The following RERE variants were observed in gnomAD, a reference collection of about 807,000 sequenced individuals.
RERE encodes the protein arginine-glutamic acid dipeptide repeats protein.
RERE carries 40 observed loss-of-function variants against 146.1 expected under a neutral mutation model. The ratio of observed to expected loss-of-function variants is 0.27; its 90% CI spans 0.21 to 0.36. RERE has a LOEUF of 0.36. RERE is among the 10% of genes least tolerant of loss of function. The pLI, the probability that RERE is intolerant of heterozygous loss-of-function variation, is 1.00. For synonymous variants in RERE, 1,003 were observed against 866.0 expected, an observed-to-expected ratio of 1.16 and a Z score of -2.78; for missense variants, 1,933 against 2,138.7, an observed-to-expected ratio of 0.90 and a Z score of 1.90.
At chr1:8,508,416 T>G (rs1200328335) in intron 8 of RERE, among the ~76,000 whole-genome samples, 5 of 152,166 alleles carry the variant, frequency 3.3e-5, no homozygotes, top group Admixed American at 6.5e-5. Context: ...TACAACAATA[T>G]TAATGTACTT....
At position 8,423,985 on chromosome 1, in the gene RERE, G is replaced by A. The variant is rs370898914; in HGVS notation, c.1204-1178C>T. Reference sequence around the variant, plus strand: ...CTCCTTCCGGACAGGAGAACATCAAGGCGGTAAAGCACAGAAACTTCCTCC... The same window carrying A: ...CTCCTTCCGGACAGGAGAACATCAAAGCGGTAAAGCACAGAAACTTCCTCC... On this transcript the variant is annotated intron_variant, in intron 11 of 22. Coordinates refer to ENST00000400908, the MANE Select transcript of RERE (RefSeq NM_001042681.2). This position sits in a 1 kb window ranked among gnomAD's most constrained non-coding sequence, Gnocchi z 5.4. The A allele has an allele frequency of 6.6e-6, 1 of 151,598 alleles. No homozygotes were observed. Among genetic ancestry groups the A allele is most frequent in the Admixed American group, 6.6e-5 (1 of 15,236 alleles). 9.4% of individuals were successfully genotyped at this position (151,598 alleles called of 1,614,324 possible).
chr1:8,491,763 C>T (rs1377566752), intron 10 of RERE, among the ~76,000 whole-genome samples: 1 of 152,144 alleles, frequency 6.6e-6, no homozygotes, highest in East Asian at 1.9e-4. Context: ...GGCCATATAG[C>T]CTATTTCATT....
chr1:8,614,593 G>A lies in RERE; in HGVS notation c.490C>T (p.His164Tyr). 1.2e-6 allele frequency: 2 copies of A among 1,613,194 alleles called. No individual in the cohort carries two copies. The highest frequency in any genetic ancestry group is 1.7e-6 in the Non-Finnish European group (2 of 1,179,514). ...SLPVASQPPQ[H>Y]LSEAGRGPVG... ...GGCCCTCTCCCGGCTTCAGAAAGAT[G>A]CTGTGGTGGCTGTGATGCCACCGGC... The change falls in exon 4 of 23, where the codon CAT becomes TAT. Residue 164 changes from histidine to tyrosine, a missense_variant. By Grantham distance (83) the His-to-Tyr change is moderately conservative. Coordinates refer to ENST00000400908, the MANE Select transcript of RERE (RefSeq NM_001042681.2).
At position 8,368,798 on chromosome 1, in the gene RERE, C is replaced by T. The variant is rs1187678426; in HGVS notation, c.1285-2824G>A. Among the ~76,000 whole-genome samples, 5 of 152,054 alleles carry T rather than the reference C, an allele frequency of 3.3e-5. No homozygotes were observed. In the South Asian group the frequency reaches 6.2e-4, roughly 19 times the overall value. ...GGAAGAAGCCAGGCGCAGCAGTTTA[C>T]GCCTGTAATACCAGTACTTTGGGAG... On this transcript the variant is annotated intron_variant, in intron 12 of 22. Coordinates refer to ENST00000400908, the MANE Select transcript of RERE (RefSeq NM_001042681.2).
intron 10 of RERE, among the ~76,000 whole-genome samples, chr1:8,481,564 T>C (rs1427624424): frequency 6.6e-6 from 1 of 152,374 alleles, no homozygotes; most frequent in East Asian, 1.9e-4. Context: ...AGAATTGTTA[T>C]GAAGATTAAA....
intron 1 of RERE, among the ~76,000 whole-genome samples, chr1:8,781,477 C>T (rs1376237761): frequency 1.3e-5 from 2 of 151,982 alleles, no homozygotes; most frequent in Non-Finnish European, 2.9e-5. Context: ...TGAGCTATGA[C>T]TGTCCCACTG....
chr1:8,355,451 A>C lies in RERE; in HGVS notation c.4635T>G (p.Gly1545=), dbSNP rs1641251421. The C allele has an allele frequency of 6.2e-7, 1 of 1,612,764 alleles. No individual in the cohort carries two copies. Among genetic ancestry groups the C allele is most frequent in the Admixed American group, 1.7e-5 (1 of 59,970 alleles). ...AATCTTCCTGACTTGGTAGGTGGCC[A>C]CCATGCATGTGGGGGTGTCCATGCA... ...QWLHGHPHMH[G]GHLPSQEDYY... The change falls in exon 22 of 23, where the codon GGT becomes GGG. Residue 1545 remains glycine, a synonymous_variant. Coordinates refer to ENST00000400908, the MANE Select transcript of RERE (RefSeq NM_001042681.2).
intron 1 of RERE, among the ~76,000 whole-genome samples, chr1:8,749,466 C>G (rs1280488788): frequency 6.6e-6 from 1 of 150,738 alleles, no homozygotes; most frequent in African/African-American, 2.4e-5. Context: ...GAGTAATGCG[C>G]TACTTTAGAC....
intron 12 of RERE, among the ~76,000 whole-genome samples, chr1:8,389,403 G>A (rs1332420938): frequency 1.3e-5 from 2 of 152,062 alleles, no homozygotes; most frequent in Non-Finnish European, 2.9e-5. Flanking sequence ...CTTTATTCAC[G>A]GCCATTTCAG....
chr1:8,718,951 C>A (rs201224262), intron 1 of RERE, among the ~76,000 whole-genome samples: 1 of 152,116 alleles, frequency 6.6e-6, no homozygotes, highest in Non-Finnish European at 1.5e-5. Context: ...ACTCTGTCAT[C>A]GACTTATTGT....
intron 1 of RERE, among the ~76,000 whole-genome samples, chr1:8,777,979 C>A (rs184452599): frequency 2.3e-4 from 35 of 151,652 alleles, no homozygotes; most frequent in Non-Finnish European, 3.5e-4. Flanking sequence ...CAAATTAATT[C>A]TCTGAATCTC....
At chr1:8,454,529 G>A (rs1049100604) in intron 11 of RERE, among the ~76,000 whole-genome samples, 20 of 152,036 alleles carry the variant, frequency 1.3e-4, no homozygotes, top group African/African-American at 4.8e-4. Flanking sequence ...AAGACTTGCT[G>A]GGTGTGGTGG....
At chr1:8,710,984 C>T (rs1475698115) in intron 1 of RERE, among the ~76,000 whole-genome samples, 1 of 151,706 alleles carries the variant, frequency 6.6e-6, no homozygotes. Context: ...TGGCAACACC[C>T]CATCTCCATT....
intron 1 of RERE, among the ~76,000 whole-genome samples, chr1:8,724,838 G>GA (rs60884837): frequency 1.4e-4 from 17 of 123,888 alleles, no homozygotes; most frequent in East Asian, 1.0e-3. Context: ...CAAAACAAAA[G>GA]AAAAAAAAAA....
At chr1:8,422,084 G>GC (rs1358797183) in intron 12 of RERE, among the ~76,000 whole-genome samples, 3 of 152,174 alleles carry the variant, frequency 2.0e-5, no homozygotes, top group Non-Finnish European at 4.4e-5. Flanking sequence ...ATTTTCCTCA[G>GC]CAAATCCTTC....
At position 8,360,227 on chromosome 1, in the gene RERE, T is replaced by C. The variant is rs1380966764; in HGVS notation, c.3280A>G (p.Lys1094Glu). The change falls in exon 18 of 23, where the codon AAG becomes GAG. Residue 1094 changes from lysine (K) to glutamate (E), a missense_variant. Coordinates refer to ENST00000400908, the MANE Select transcript of RERE (RefSeq NM_001042681.2). ...SSCPLPTVQIKEEALDDAEEP... is the reference protein window; with the variant it reads ...SSCPLPTVQIEEEALDDAEEP... Reference sequence around the variant, plus strand: ...TCAGCGTCGTCCAGAGCCTCCTCCTTGATCTGGACGGTGGGGAGTGGGCAG... The same window carrying C: ...TCAGCGTCGTCCAGAGCCTCCTCCTCGATCTGGACGGTGGGGAGTGGGCAG... 2.5e-6 allele frequency: 4 copies of C among 1,586,600 alleles called. No homozygotes were observed. The African/African-American group carries it at 4.0e-5, about 16-fold the overall frequency.
At chr1:8,367,851 G>A (rs1570061469) in intron 12 of RERE, among the ~76,000 whole-genome samples, 1 of 152,190 alleles carries the variant, frequency 6.6e-6, no homozygotes, top group South Asian at 2.1e-4. Flanking sequence ...ACTTGGAAAT[G>A]CATTTATCTA....
intron 11 of RERE, among the ~76,000 whole-genome samples, chr1:8,432,878 T>TG (rs1480271832): frequency 6.6e-6 from 1 of 152,212 alleles, no homozygotes; most frequent in Non-Finnish European, 1.5e-5. Flanking sequence ...ATTGATTACT[T>TG]GGACTCTCAG....
intron 12 of RERE, among the ~76,000 whole-genome samples, chr1:8,393,987 G>C (rs1428993204): frequency 6.6e-6 from 1 of 152,046 alleles, no homozygotes; most frequent in East Asian, 1.9e-4. Context: ...TCTCCACCTG[G>C]GGACTTAAAA....
Sources: gnomAD v4.1 joint callset for allele counts (sites outside exome capture counted in the v4.1 genomes callset) on GRCh38, gnomAD v4.1.1 for gene constraint, Gnocchi (gnomAD v3.1) non-coding constraint, MANE v1.5 for transcripts, NCBI Gene and HGNC (gene_info 2026-07-23, HGNC 2026-07-21) for gene names.